Variants in KIF16B observed in about 807,000 individuals in gnomAD.
KIF16B encodes kinesin family member 16B, also known as kinesin-like protein KIF16B.
In KIF16B, 98 loss-of-function variants were observed where a neutral mutation model predicts 156.3. That is an observed-to-expected ratio of 0.63 (90% CI 0.53 to 0.74). KIF16B has a LOEUF of 0.74. Among genes scored for constraint, KIF16B ranks in the 30% least tolerant of loss-of-function variants. The probability of loss-of-function intolerance (pLI) is 0.00; values close to 1 mark genes in which losing one functional copy is unlikely to be tolerated. For synonymous variants in KIF16B, 564 were observed against 583.7 expected, an observed-to-expected ratio of 0.97 and a Z score of 0.49; for missense variants, 1,421 against 1,606.5, an observed-to-expected ratio of 0.88 and a Z score of 1.97.
At chr20:16,323,306 A>T (rs1453381339) in intron 24 of KIF16B, among the ~76,000 whole-genome samples, 2 of 152,028 alleles carry the variant, frequency 1.3e-5, no homozygotes, top group African/African-American at 2.4e-5. Flanking sequence ...CCTACATGGT[A>T]ACTAGCAGCT....
intron 15 of KIF16B, among the ~76,000 whole-genome samples, chr20:16,426,618 T>G (rs1425614645): frequency 6.6e-6 from 1 of 152,130 alleles, no homozygotes; most frequent in Admixed American, 6.6e-5. Context: ...CAGGGCACTA[T>G]TTACTTTCCA....
chr20:16,462,860 C>T (rs913939941), intron 12 of KIF16B, among the ~76,000 whole-genome samples: 2 of 152,212 alleles, frequency 1.3e-5, no homozygotes, highest in Admixed American at 1.3e-4. Context: ...GCACATTCGA[C>T]ATGGAGGCTC....
chr20:16,288,208 G>A (rs2063254781), intron 25 of KIF16B, among the ~76,000 whole-genome samples: 1 of 152,132 alleles, frequency 6.6e-6, no homozygotes, highest in Admixed American at 6.6e-5. Flanking sequence ...ACCATGCTGG[G>A]CACAAAGACA....
At chr20:16,300,257 T>C (rs886639372) in intron 25 of KIF16B, among the ~76,000 whole-genome samples, 2 of 152,168 alleles carry the variant, frequency 1.3e-5, no homozygotes, top group African/African-American at 4.8e-5. Context: ...TGGTGCTTGA[T>C]AAAAGATACA....
chr20:16,371,764 G>A lies in KIF16B; in HGVS notation c.3351-3C>T, dbSNP rs1198181994. The A allele has an allele frequency of 6.2e-7, 1 of 1,602,556 alleles. No homozygotes were observed. Among genetic ancestry groups the A allele is most frequent in the African/African-American group, 1.3e-5 (1 of 74,626 alleles). On this transcript the variant is annotated splice_region_variant and splice_polypyrimidine_tract_variant and intron_variant, in intron 20 of 25. Transcript: ENST00000354981. ...CTTCTTCAATGTAAGCATTGATCCT[G>A]TAACACAATGGAGATGGAGTAGATC...
At chr20:16,296,500 C>G (rs78152041) in intron 25 of KIF16B, among the ~76,000 whole-genome samples, 2 of 152,252 alleles carry the variant, frequency 1.3e-5, no homozygotes, top group South Asian at 4.1e-4. Flanking sequence ...CATCTTGAGT[C>G]GTTCTGTGCT....
chr20:16,347,739 C>A (rs1292251836), intron 23 of KIF16B, among the ~76,000 whole-genome samples: 1 of 152,176 alleles, frequency 6.6e-6, no homozygotes, highest in Admixed American at 6.5e-5. Context: ...AGATTTAAAT[C>A]TAGGTGGACA....
At chr20:16,317,384 AG>A (rs1172964874) in intron 24 of KIF16B, among the ~76,000 whole-genome samples, 2 of 152,228 alleles carry the variant, frequency 1.3e-5, no homozygotes, top group African/African-American at 4.8e-5. Flanking sequence ...ACAGCGTCTC[AG>A]GTAAGTATTT....
chr20:16,378,599 A>G (rs948007285), intron 19 of KIF16B, among the ~76,000 whole-genome samples: 2 of 152,158 alleles, frequency 1.3e-5, no homozygotes, highest in African/African-American at 2.4e-5. Context: ...TAACAATTCT[A>G]AAAGAAGGAC....
chr20:16,463,613 C>A (rs973402624), intron 12 of KIF16B, among the ~76,000 whole-genome samples: 2 of 152,086 alleles, frequency 1.3e-5, no homozygotes, highest in Non-Finnish European at 2.9e-5. Flanking sequence ...GCCTTCCCAA[C>A]CTTTCCAGAG....
intron 1 of KIF16B, among the ~76,000 whole-genome samples, chr20:16,536,610 A>G (rs899280870): frequency 6.6e-6 from 1 of 152,180 alleles, no homozygotes; most frequent in Admixed American, 6.5e-5. Flanking sequence ...TTGTCAAAAA[A>G]ATGTTTAGGA....
intron 22 of KIF16B, among the ~76,000 whole-genome samples, chr20:16,356,724 T>C (rs1317372777): frequency 1.3e-5 from 2 of 152,176 alleles, no homozygotes; most frequent in African/African-American, 2.4e-5. Context: ...TTCCAATTTA[T>C]AAGAACAAGT....
Position 16,506,017 on chromosome 20 carries a change from C to A in KIF16B, c.868+5G>T. ...AGAGGAGGCAGGAGCCAGGCGTAAG[C>A]ATACCTAAGGCAGAAATGACGTTCC... On this transcript the variant is annotated splice_donor_5th_base_variant and intron_variant, in intron 8 of 25. Coordinates refer to ENST00000354981, the MANE Select transcript of KIF16B (RefSeq NM_024704.5). 1 of 1,614,056 alleles carries A rather than the reference C, an allele frequency of 6.2e-7. No individual in the cohort carries two copies. The highest frequency in any genetic ancestry group is 8.5e-7 in the Non-Finnish European group (1 of 1,179,950).
chr20:16,514,689 G>A lies in KIF16B; in HGVS notation c.348+859C>T, dbSNP rs1307279296. Among the ~76,000 whole-genome samples the A allele has an allele frequency of 2.7e-5, 4 of 150,344 alleles. No individual in the cohort carries two copies. In the South Asian group the frequency reaches 6.3e-4, roughly 24 times the overall value. On this transcript the variant is annotated intron_variant, in intron 4 of 25. Coordinates refer to ENST00000354981, the MANE Select transcript of KIF16B (RefSeq NM_024704.5). ...GCGGGTCATCTAAGGTCAGAAGTTCGAGACCAGCCTCGCCAACATGGTGAA... is the reference window on the plus strand; with the variant it reads ...GCGGGTCATCTAAGGTCAGAAGTTCAAGACCAGCCTCGCCAACATGGTGAA...
chr20:16,368,914 TCTGA>T (rs1190678185), intron 22 of KIF16B: 3 of 985,768 alleles, frequency 3.0e-6, no homozygotes, highest in Non-Finnish European at 3.6e-6. Context: ...ACTGAAATTT[TCTGA>T]CTGACTCTGA....
intron 12 of KIF16B, among the ~76,000 whole-genome samples, chr20:16,468,930 C>T (rs1376891222): frequency 6.6e-6 from 1 of 152,104 alleles, no homozygotes; most frequent in African/African-American, 2.4e-5. Flanking sequence ...CCAAGACAGA[C>T]CATATTCTGG....
At chr20:16,520,227 C>T (rs956548650) in intron 3 of KIF16B, among the ~76,000 whole-genome samples, 1 of 151,820 alleles carries the variant, frequency 6.6e-6, no homozygotes, top group East Asian at 1.9e-4. Context: ...GCCAAGTGGT[C>T]TAGCTCAGCA....
chr20:16,310,071 G>T (rs906719914), intron 25 of KIF16B, among the ~76,000 whole-genome samples: 1 of 152,222 alleles, frequency 6.6e-6, no homozygotes, highest in Non-Finnish European at 1.5e-5. Flanking sequence ...TAAAGTGAAG[G>T]TTACTTATAC....
intron 20 of KIF16B, among the ~76,000 whole-genome samples, chr20:16,372,771 C>T (rs1315350951): frequency 1.3e-5 from 2 of 152,210 alleles, no homozygotes; most frequent in Admixed American, 6.5e-5. Context: ...GATCTTGGCT[C>T]ACTGCAACCT....
Sources: gnomAD v4.1 joint callset for allele counts (sites outside exome capture counted in the v4.1 genomes callset) on GRCh38, gnomAD v4.1.1 for gene constraint, MANE v1.5 for transcripts, NCBI Gene and HGNC (gene_info 2026-07-23, HGNC 2026-07-21) for gene names.